Variants in HTR7 observed in about 807,000 individuals in gnomAD.
HTR7 encodes 5-hydroxytryptamine receptor 7, also known as 5-HT-7.
Under a neutral mutation model 34.0 loss-of-function variants are expected in HTR7, and 16 were observed. That is an observed-to-expected ratio of 0.47 (90% confidence interval 0.32 to 0.71). The LOEUF is 0.71. Among genes scored for constraint, HTR7 ranks in the 30% least tolerant of loss-of-function variants. HTR7 has a pLI of 0.04. For missense variants in HTR7, 504 were observed against 625.5 expected, an observed-to-expected ratio of 0.81 and a Z score of 2.07; for synonymous variants, 265 against 260.2, an observed-to-expected ratio of 1.02 and a Z score of -0.18.
At chr10:90,788,657 C>T (rs1845418011) in intron 1 of HTR7, among the ~76,000 whole-genome samples, 1 of 152,112 alleles carries the variant, frequency 6.6e-6, no homozygotes, top group Non-Finnish European at 1.5e-5. Context: ...AATGGCTCTA[C>T]CTATACTTTG....
intron 1 of HTR7, among the ~76,000 whole-genome samples, chr10:90,830,674 G>A (rs1178121929): frequency 6.6e-6 from 1 of 151,790 alleles, no homozygotes; most frequent in Admixed American, 6.6e-5. Flanking sequence ...TGTAGTCCCA[G>A]GTACTTGGAG....
chr10:90,792,778 A>G (rs1436331630), intron 1 of HTR7, among the ~76,000 whole-genome samples: 1 of 152,204 alleles, frequency 6.6e-6, no homozygotes, highest in Admixed American at 6.5e-5. Context: ...TGGATTTATC[A>G]GAACTTATCA....
chr10:90,752,220 G>A (rs936529169), intron 1 of HTR7, among the ~76,000 whole-genome samples: 3 of 152,078 alleles, frequency 2.0e-5, no homozygotes, highest in East Asian at 1.9e-4. Context: ...GCTTACTAAC[G>A]TGTCTGGATA....
chr10:90,827,582 A>T (rs1373426311), intron 1 of HTR7, among the ~76,000 whole-genome samples: 1 of 152,234 alleles, frequency 6.6e-6, no homozygotes, highest in East Asian at 1.9e-4. Flanking sequence ...GAGTAGCTAT[A>T]CTTTTATCAG....
intron 1 of HTR7, among the ~76,000 whole-genome samples, chr10:90,758,248 G>C (rs928006277): frequency 1.3e-5 from 2 of 150,644 alleles, no homozygotes; most frequent in Non-Finnish European, 2.9e-5. Context: ...AGGAGGCAGA[G>C]GCAGAAGAAT....
chr10:90,789,165 A>G (rs1845428463), intron 1 of HTR7, among the ~76,000 whole-genome samples: 1 of 152,192 alleles, frequency 6.6e-6, no homozygotes, highest in Non-Finnish European at 1.5e-5. Context: ...GAAGTAAATA[A>G]TGATCCTTTG....
At position 90,855,729 on chromosome 10, in the gene HTR7, C is replaced by T. The variant is rs189352377; in HGVS notation, c.539+1404G>A. ...AGAACTTCAGCTGCCAAATTTGGTG[C>T]TAATATTCTCACATATGCAGTTCAT... On this transcript the variant is annotated intron_variant, in intron 1 of 3. Transcript: ENST00000336152. Among the ~76,000 whole-genome samples the T allele has an allele frequency of 1.4e-4, 21 of 152,308 alleles. 1 individual carries two copies. In the East Asian group the frequency reaches 4.1e-3, roughly 29 times the overall value.
chr10:90,767,556 T>G (rs1162193433), intron 1 of HTR7, among the ~76,000 whole-genome samples: 1 of 152,188 alleles, frequency 6.6e-6, no homozygotes, highest in Non-Finnish European at 1.5e-5. Flanking sequence ...CTTTGATAGA[T>G]AAATTTTTCT....
intron 1 of HTR7, among the ~76,000 whole-genome samples, chr10:90,756,144 C>T (rs1242280869): frequency 6.6e-6 from 1 of 152,172 alleles, no homozygotes; most frequent in Non-Finnish European, 1.5e-5. Flanking sequence ...CAAAACCAGG[C>T]AAAACTAGCT....
At chr10:90,801,136 G>A (rs1370144647) in intron 1 of HTR7, among the ~76,000 whole-genome samples, 3 of 152,192 alleles carry the variant, frequency 2.0e-5, no homozygotes, top group African/African-American at 7.2e-5. Context: ...CACTTCCAAT[G>A]GAGAGCAGTC....
intron 1 of HTR7, among the ~76,000 whole-genome samples, chr10:90,822,803 T>C (rs1846006142): frequency 6.6e-6 from 1 of 152,138 alleles, no homozygotes; most frequent in Non-Finnish European, 1.5e-5. Context: ...CCTCGAGACA[T>C]GTCACCTGGT....
intron 1 of HTR7, among the ~76,000 whole-genome samples, chr10:90,838,664 C>G (rs1846285301): frequency 2.0e-5 from 3 of 152,230 alleles, no homozygotes. Flanking sequence ...CTAATCTCAT[C>G]TCCTTCCAGG....
chr10:90,784,302 T>C (rs1439663351), intron 1 of HTR7, among the ~76,000 whole-genome samples: 1 of 152,218 alleles, frequency 6.6e-6, no homozygotes, highest in Non-Finnish European at 1.5e-5. Flanking sequence ...GCTCAAGTAT[T>C]GGGGTTCTGT....
intron 1 of HTR7, among the ~76,000 whole-genome samples, chr10:90,854,649 T>C (rs527796446): frequency 1.3e-5 from 2 of 152,336 alleles, no homozygotes; most frequent in African/African-American, 2.4e-5. Context: ...AAAGACGGGA[T>C]GGGAGCTCTG....
At chr10:90,817,703 C>A (rs753945114) in intron 1 of HTR7, among the ~76,000 whole-genome samples, 14 of 152,156 alleles carry the variant, frequency 9.2e-5, no homozygotes, top group Non-Finnish European at 8.8e-5. Context: ...CAATAAACCT[C>A]AATGATTTGA....
intron 1 of HTR7, among the ~76,000 whole-genome samples, chr10:90,812,935 T>C (rs917049570): frequency 6.6e-6 from 1 of 152,172 alleles, no homozygotes; most frequent in Non-Finnish European, 1.5e-5. Context: ...CCTTAACTGA[T>C]GACATTCCAC....
intron 1 of HTR7, among the ~76,000 whole-genome samples, chr10:90,801,473 A>G (rs1845626233): frequency 6.6e-6 from 1 of 152,246 alleles, no homozygotes; most frequent in Non-Finnish European, 1.5e-5. Context: ...CATATTATAA[A>G]GTGGCCCAGC....
chr10:90,807,008 G>A (rs1845716226), intron 1 of HTR7, among the ~76,000 whole-genome samples: 1 of 152,186 alleles, frequency 6.6e-6, no homozygotes, highest in African/African-American at 2.4e-5. Flanking sequence ...AGGGCATAAT[G>A]TAAAGGAACT....
Position 90,787,491 on chromosome 10 carries a change from C to CA in HTR7, c.540-37898dup, listed in dbSNP as rs572071327. On this transcript the variant is annotated intron_variant, in intron 1 of 3. Coordinates refer to ENST00000336152, the MANE Select transcript of HTR7 (RefSeq NM_019859.4). ...TGGGTTATGGAGCAAGACTCCATCTCAAAAAAAATAAAAATAAAAAAAATA... is the reference window on the plus strand; with the variant it reads ...TGGGTTATGGAGCAAGACTCCATCTCAAAAAAAAATAAAAATAAAAAAAATA... Among the ~76,000 whole-genome samples, 31 of 151,206 alleles carry CA rather than the reference C, an allele frequency of 2.1e-4. No homozygotes were observed. The East Asian group carries it at 5.3e-3, about 26-fold the overall frequency.
Sources: allele counts gnomAD v4.1 joint callset (sites outside exome capture counted in the v4.1 genomes callset), GRCh38; gene constraint gnomAD v4.1.1; transcripts MANE v1.5; gene names NCBI Gene and HGNC (gene_info 2026-07-23, HGNC 2026-07-21).